The following UBE2N variants were observed in gnomAD, a reference collection of about 807,000 sequenced individuals.
UBE2N encodes the protein ubiquitin-conjugating enzyme E2 N.
For missense variants in UBE2N, 60 were observed against 192.1 expected, an observed-to-expected ratio of 0.31 and a Z score of 4.07; for synonymous variants, 70 against 69.2, an observed-to-expected ratio of 1.01 and a Z score of -0.06.
intron 1 of UBE2N, among the ~76,000 whole-genome samples, chr12:93,440,193 T>C (rs554474735): frequency 3.2e-4 from 49 of 152,324 alleles, no homozygotes; most frequent in Non-Finnish European, 5.0e-4. Context: ...ACAAGGATAT[T>C]TGATGTATGG....
In UBE2N at chr12:93,409,787, C is replaced by G; in HGVS notation, c.*252G>C. The G allele has an allele frequency of 2.2e-6, 1 of 457,346 alleles. No homozygotes were observed. The highest frequency in any genetic ancestry group is 3.1e-5 in the South Asian group (1 of 32,066). 28.3% of individuals were successfully genotyped at this position (457,346 alleles called of 1,614,324 possible). ...CCAGGATGGGGGAAATGAATAAAAG[C>G]AGGGAGGGGCCACTGCTTTTAAACG... On this transcript the variant is annotated 3_prime_UTR_variant, in exon 4 of 4. Transcript: ENST00000318066.
At chr12:93,413,837 C>A (rs904655648) in intron 1 of UBE2N, among the ~76,000 whole-genome samples, 2 of 152,198 alleles carry the variant, frequency 1.3e-5, no homozygotes, top group African/African-American at 4.8e-5. Flanking sequence ...CTACCTCCCT[C>A]GCAGGTCTAT....
At chr12:93,429,920 A>G (rs565611955) in intron 1 of UBE2N, among the ~76,000 whole-genome samples, 33 of 152,244 alleles carry the variant, frequency 2.2e-4, no homozygotes, top group Non-Finnish European at 4.3e-4. Context: ...ATAAAATAAA[A>G]AAGTTACAGT....
chr12:93,411,521 T>G (rs998330517), intron 1 of UBE2N, among the ~76,000 whole-genome samples: 1 of 152,196 alleles, frequency 6.6e-6, no homozygotes, highest in East Asian at 1.9e-4. Flanking sequence ...ATCATACATT[T>G]TGGCTACAAA....
chr12:93,440,187 G>A (rs1426755186), intron 1 of UBE2N, among the ~76,000 whole-genome samples: 1 of 152,120 alleles, frequency 6.6e-6, no homozygotes, highest in African/African-American at 2.4e-5. Flanking sequence ...ACGAAAACAA[G>A]GATATTTGAT....
rs1317111099 is a variant in UBE2N, at chr12:93,405,880, A to G, written c.*4159T>C. On this transcript the variant is annotated 3_prime_UTR_variant, in exon 4 of 4. Coordinates refer to ENST00000318066, the MANE Select transcript of UBE2N (RefSeq NM_003348.4). ...GAATGAAATATTACATTTTTCTTAA[A>G]TAAAGCAATAAATTAGGTACCCTAT... The G allele has an allele frequency of 6.6e-6, 1 of 152,208 alleles. No homozygotes were observed. The allele number at this position is 152,208 out of a possible 1,614,324, so 9.4% of individuals were successfully genotyped here.
intron 1 of UBE2N, among the ~76,000 whole-genome samples, chr12:93,422,961 A>C (rs1240532951): frequency 6.6e-6 from 1 of 152,248 alleles, no homozygotes; most frequent in South Asian, 2.1e-4. Flanking sequence ...GTGGTCACAC[A>C]AAAGGACTGC....
At chr12:93,441,752 C>T in intron 1 of UBE2N, 103 bp downstream of exon 1, 1 of 1,502,540 alleles carries the variant, frequency 6.7e-7, no homozygotes, top group East Asian at 2.8e-5. Context: ...CCTCGGGCCT[C>T]CCAGAGCGGG....
At chr12:93,416,352 C>T (rs1476700323) in intron 1 of UBE2N, among the ~76,000 whole-genome samples, 7 of 152,104 alleles carry the variant, frequency 4.6e-5, no homozygotes, top group African/African-American at 1.4e-4. Flanking sequence ...AAAATACCTT[C>T]TGGTTTTACA....
In UBE2N at chr12:93,441,939, C is replaced by A; in HGVS notation, c.-55G>T. ...CTCGTCTCCGGCTCCTCTCGCCTCA[C>A]GCACGAGTGGAAGTCCCGGGCTCCA... On this transcript the variant is annotated 5_prime_UTR_variant, in exon 1 of 4. Coordinates refer to ENST00000318066, the MANE Select transcript of UBE2N (RefSeq NM_003348.4). 6.5e-7 allele frequency: 1 copy of A among 1,536,162 alleles called. No homozygotes were observed. Among genetic ancestry groups the A allele is most frequent in the South Asian group, 1.2e-5 (1 of 82,518 alleles).
At chr12:93,410,225 C>T (rs1877993702) in intron 3 of UBE2N, 146 bp from the exon 4 acceptor site, 1 of 732,366 alleles carries the variant, frequency 1.4e-6, no homozygotes, top group African/African-American at 1.8e-5. Context: ...TAAATTGGAT[C>T]AGGGCTGAAA....
chr12:93,409,459 C>T lies in UBE2N; in HGVS notation c.*580G>A, dbSNP rs1877968010. 6.0e-6 allele frequency: 1 copy of T among 167,040 alleles called. No homozygotes were observed. Among genetic ancestry groups the T allele is most frequent in the Non-Finnish European group, 1.5e-5 (1 of 68,124 alleles). The allele number at this position is 167,040 out of a possible 1,614,324, so 10.3% of individuals were successfully genotyped here. On this transcript the variant is annotated 3_prime_UTR_variant, in exon 4 of 4. Transcript: ENST00000318066. ...CTTTTTTTGAAGGGGGGAATCTACA[C>T]TTGACAGCAATGTTATTAGTGAGGG...
intron 1 of UBE2N, among the ~76,000 whole-genome samples, chr12:93,416,945 AT>A (rs2121065515): frequency 6.6e-6 from 1 of 152,280 alleles, no homozygotes; most frequent in African/African-American, 2.4e-5. Context: ...CCTTAAATGA[AT>A]TTTGTGATTC....
At chr12:93,410,413 T>C (rs563933) in intron 3 of UBE2N, 4 of 503,682 alleles carry the variant, frequency 7.9e-6, no homozygotes, top group Non-Finnish European at 1.4e-5. Flanking sequence ...AGCTGAATAC[T>C]TTAATCAAAT....
rs1215607003 is a variant in UBE2N, at chr12:93,406,940, A to G, written c.*3099T>C. The G allele has an allele frequency of 6.6e-6, 1 of 152,250 alleles. No individual in the cohort carries two copies. The highest frequency in any genetic ancestry group is 1.5e-5 in the Non-Finnish European group (1 of 68,050). The allele number at this position is 152,250 out of a possible 1,614,324, so 9.4% of individuals were successfully genotyped here. A position where few individuals can be genotyped will look rare whatever the true frequency, so the allele number is the denominator to read the frequency against. On this transcript the variant is annotated 3_prime_UTR_variant, in exon 4 of 4. Coordinates refer to ENST00000318066, the MANE Select transcript of UBE2N (RefSeq NM_003348.4). The stretch of plus-strand genomic sequence containing the variant: ...GAGCAGAAGCAAATCGCAGCGAAGT[A>G]GACTACAACAATCAAGTCAAAAAAC...
intron 1 of UBE2N, among the ~76,000 whole-genome samples, chr12:93,431,319 C>T (rs1368575159): frequency 4.6e-5 from 7 of 152,206 alleles, no homozygotes; most frequent in African/African-American, 1.7e-4. Context: ...CATGTTTCCA[C>T]TTCATGTGTC....
chr12:93,413,584 C>T (rs73366052), intron 1 of UBE2N, among the ~76,000 whole-genome samples: 6,299 of 152,154 alleles, frequency 0.041, 449 homozygotes, highest in African/African-American at 0.14. Context: ...TTTGCTCCTC[C>T]CATAAAGTCT....
At chr12:93,433,793 T>C (rs923512049) in intron 1 of UBE2N, among the ~76,000 whole-genome samples, 1 of 152,242 alleles carries the variant, frequency 6.6e-6, no homozygotes, top group Non-Finnish European at 1.5e-5. Context: ...CCATAGTTCA[T>C]TATAACAGAA....
rs142974721 is a variant in UBE2N, at chr12:93,428,998, G to A, written c.30+12857C>T. Among the ~76,000 whole-genome samples the A allele has an allele frequency of 1.8e-3, 279 of 152,256 alleles. 2 individuals carry two copies. The highest frequency in any genetic ancestry group is 6.5e-3 in the African/African-American group (270 of 41,556). On this transcript the variant is annotated intron_variant, in intron 1 of 3. Coordinates refer to ENST00000318066, the MANE Select transcript of UBE2N (RefSeq NM_003348.4). ...TTATTTGAAAAAGTGTAGGCCAGGC[G>A]CGGTGGCTCATGCCTGTAATCCCAG... is the stretch of plus-strand genomic sequence containing the variant.
Sources: allele counts gnomAD v4.1 joint callset (sites outside exome capture counted in the v4.1 genomes callset), GRCh38; gene constraint gnomAD v4.1.1; transcripts MANE v1.5; gene names NCBI Gene and HGNC (gene_info 2026-07-23, HGNC 2026-07-21).